RGS6: variants seen among roughly 807,000 people sequenced by gnomAD.
The protein encoded by RGS6 is regulator of G-protein signaling 6.
In RGS6, 30 loss-of-function variants were observed where a neutral mutation model predicts 78.5. The ratio of observed to expected loss-of-function variants is 0.38; its 90% CI spans 0.29 to 0.52. RGS6 has a LOEUF of 0.52. RGS6 is among the 20% of genes least tolerant of loss of function. RGS6 has a pLI of 0.85. For synonymous variants in RGS6, 206 were observed against 206.0 expected (o/e 1.00, Z 0.00); for missense variants, 495 against 609.7 (o/e 0.81, Z 1.98).
chr14:72,622,480 G>T, the RGS6 span, among the ~76,000 whole-genome samples: 1 of 152,144 alleles, frequency 6.6e-6, no homozygotes, highest in African/African-American at 2.4e-5. Flanking sequence ...GACAGGACTT[G>T]TCAGAAACAG....
At chr14:72,362,879 A>C (rs1418478364) in intron 3 of RGS6, among the ~76,000 whole-genome samples, 3 of 152,212 alleles carry the variant, frequency 2.0e-5, no homozygotes, top group Non-Finnish European at 4.4e-5. Flanking sequence ...ACAGACAATA[A>C]TTGAGAACCG....
the RGS6 span, among the ~76,000 whole-genome samples, chr14:71,883,890 CA>C: frequency 0.24 from 35,894 of 152,114 alleles, 5,387 homozygotes; most frequent in Non-Finnish European, 0.32. Flanking sequence ...GAATTGCCCC[CA>C]TCCTCCTTTC....
chr14:72,284,080 G>GA (rs2062052082), intron 2 of RGS6, among the ~76,000 whole-genome samples: 1 of 152,180 alleles, frequency 6.6e-6, no homozygotes, highest in Non-Finnish European at 1.5e-5. Flanking sequence ...TCTGGCAGAA[G>GA]AAATTGCTAA....
At chr14:72,069,205 T>G (rs1236059187) in intron 2 of RGS6, among the ~76,000 whole-genome samples, 1 of 151,546 alleles carries the variant, frequency 6.6e-6, no homozygotes, top group African/African-American at 2.4e-5. Flanking sequence ...ACTCCTAATA[T>G]CAAATGATCC....
chr14:72,107,298 T>C (rs2153538151), intron 2 of RGS6, among the ~76,000 whole-genome samples: 1 of 152,292 alleles, frequency 6.6e-6, no homozygotes, highest in South Asian at 2.1e-4. Flanking sequence ...AATCAAACCG[T>C]AGCAAATCAT....
chr14:72,293,204 C>G (rs1039858270), intron 2 of RGS6, among the ~76,000 whole-genome samples: 1 of 152,148 alleles, frequency 6.6e-6, no homozygotes, highest in African/African-American at 2.4e-5. Context: ...GTCAGAACCT[C>G]CCATCTGTCT....
At chr14:72,079,907 A>G (rs1299998574) in intron 2 of RGS6, among the ~76,000 whole-genome samples, 1 of 152,158 alleles carries the variant, frequency 6.6e-6, no homozygotes, top group East Asian at 1.9e-4. Flanking sequence ...TTGTATACAC[A>G]TACCACATTT....
At chr14:72,504,874 C>G (rs759027592) in intron 13 of RGS6, among the ~76,000 whole-genome samples, 26 of 151,320 alleles carry the variant, frequency 1.7e-4, no homozygotes, top group Non-Finnish European at 3.4e-4. Flanking sequence ...CTTCCTGAGC[C>G]TCCTGAGTAG....
chr14:72,492,079 G>A (rs1009575176), intron 12 of RGS6, among the ~76,000 whole-genome samples: 1 of 152,200 alleles, frequency 6.6e-6, no homozygotes, highest in Non-Finnish European at 1.5e-5. Context: ...GAACTGTGGG[G>A]CCTGTAGGGA....
intron 2 of RGS6, among the ~76,000 whole-genome samples, chr14:72,317,253 C>CAAT (rs763297275): frequency 1.4e-4 from 21 of 151,780 alleles, no homozygotes; most frequent in Non-Finnish European, 2.9e-4. Context: ...ATAATAATAA[C>CAAT]AATAATAATA....
chr14:72,348,411 C>T (rs944689308), intron 2 of RGS6, among the ~76,000 whole-genome samples: 2 of 152,100 alleles, frequency 1.3e-5, no homozygotes, highest in African/African-American at 2.4e-5. Flanking sequence ...ATACTTAGGG[C>T]AGTATTGATC....
At chr14:72,510,012 C>A (rs2153446825) in intron 13 of RGS6, 142 bp from the exon 14 acceptor site, 2 of 948,650 alleles carry the variant, frequency 2.1e-6, no homozygotes, top group South Asian at 3.6e-5. Flanking sequence ...ATTTGTGCAG[C>A]TTTTGTAGAA....
intron 3 of RGS6, among the ~76,000 whole-genome samples, chr14:72,404,500 A>G (rs772681080): frequency 1.3e-5 from 2 of 151,962 alleles, no homozygotes; most frequent in Admixed American, 6.6e-5. Flanking sequence ...TCTGCTGCCA[A>G]CCATTATGTG....
intron 2 of RGS6, among the ~76,000 whole-genome samples, chr14:72,291,649 A>T (rs779450819): frequency 6.6e-6 from 1 of 152,250 alleles, no homozygotes; most frequent in Non-Finnish European, 1.5e-5. Flanking sequence ...GGCTAGAAAG[A>T]TATACCTAGA....
chr14:71,962,004 G>A (rs1299493320), intron 1 of RGS6, among the ~76,000 whole-genome samples: 1 of 152,062 alleles, frequency 6.6e-6, no homozygotes, highest in African/African-American at 2.4e-5. Flanking sequence ...ACCTATGTAG[G>A]TTTCACATCC....
the RGS6 span, among the ~76,000 whole-genome samples, chr14:72,615,598 T>G: frequency 6.6e-6 from 1 of 152,072 alleles, no homozygotes; most frequent in Non-Finnish European, 1.5e-5. Flanking sequence ...CTGGCCTCCT[T>G]CCCTCCCTTC....
chr14:72,515,816 G>A (rs2096935183), intron 14 of RGS6: 1 of 152,262 alleles, frequency 6.6e-6, no homozygotes, highest in Admixed American at 6.5e-5. Flanking sequence ...GAGCTCCCAG[G>A]GTCCTCAGGG....
At chr14:72,567,834 C>T (rs1003804529), downstream of RGS6, among the ~76,000 whole-genome samples, 4 of 152,222 alleles carry the variant, frequency 2.6e-5, no homozygotes, top group African/African-American at 9.6e-5. Flanking sequence ...CCTTCCTTCA[C>T]AGAAACACCC....
intron 2 of RGS6, chr14:71,990,801 CTGTT>C (rs1262858735): frequency 2.2e-6 from 1 of 456,080 alleles, no homozygotes; most frequent in Admixed American, 2.3e-5. Context: ...AAAGACATCT[CTGTT>C]TGAATCTTCC....
Sources: allele counts gnomAD v4.1 joint callset (sites outside exome capture counted in the v4.1 genomes callset), GRCh38; gene constraint gnomAD v4.1.1; transcripts MANE v1.5; gene names NCBI Gene and HGNC (gene_info 2026-07-23, HGNC 2026-07-21).